Variants in SYN2 observed in about 807,000 individuals in gnomAD.
The protein encoded by SYN2 is synapsin-2.
SYN2 carries 19 observed loss-of-function variants against 50.9 expected under a neutral mutation model. The observed-to-expected ratio is 0.37, with a 90% CI of 0.26 to 0.55. The LOEUF (loss-of-function observed/expected upper bound fraction) is 0.55, where lower values mean the gene tolerates loss of function less well. SYN2 is among the 20% of genes least tolerant of loss of function. The pLI is 0.81. For synonymous variants in SYN2, 255 were observed against 224.9 expected (o/e 1.13, Z -1.20); for missense variants, 587 against 576.4 (o/e 1.02, Z -0.19).
intron 1 of SYN2, chr3:12,071,620 A>C (rs1334938098): frequency 3.1e-6 from 1 of 325,578 alleles, no homozygotes; most frequent in Non-Finnish European, 6.1e-6. Flanking sequence ...TTCTTAGTAC[A>C]AGTGGCTTGG....
intron 1 of SYN2, among the ~76,000 whole-genome samples, chr3:12,123,626 A>G (rs1206722198): frequency 6.6e-6 from 1 of 152,120 alleles, no homozygotes; most frequent in African/African-American, 2.4e-5. Flanking sequence ...AAACACACAC[A>G]CACACGAGGA....
At chr3:12,177,490 G>C (rs1698106315) in intron 10 of SYN2, among the ~76,000 whole-genome samples, 1 of 152,196 alleles carries the variant, frequency 6.6e-6, no homozygotes, top group South Asian at 2.1e-4. Context: ...TTCACTCTGA[G>C]AAGTGGAGTC....
Position 12,191,024 on chromosome 3 carries a change from C to A in SYN2, c.*399C>A. 1 of 997,878 alleles carries A rather than the reference C, an allele frequency of 1.0e-6. No homozygotes were observed. The highest frequency in any genetic ancestry group is 1.2e-6 in the Non-Finnish European group (1 of 838,544). The allele number at this position is 997,878 out of a possible 1,614,324, so 61.8% of individuals were successfully genotyped here. On this transcript the variant is annotated 3_prime_UTR_variant, in exon 13 of 13. Transcript: ENST00000621198. ...TGCAGTGCTAAGCATGCCCCGCCCC[C>A]ATTCAGTGATACCTGTTTGGGAAGT...
chr3:12,020,379 T>TC (rs1268623557), intron 1 of SYN2, among the ~76,000 whole-genome samples: 2 of 137,218 alleles, frequency 1.5e-5, no homozygotes, highest in Non-Finnish European at 3.1e-5. Flanking sequence ...TCTTCTTCTG[T>TC]CCCCCCAGTT....
At chr3:12,021,902 T>G (rs963748695) in intron 1 of SYN2, among the ~76,000 whole-genome samples, 3 of 151,954 alleles carry the variant, frequency 2.0e-5, no homozygotes, top group African/African-American at 7.3e-5. Flanking sequence ...CCGTCTCTAT[T>G]AAAAATATGA....
chr3:12,038,518 C>A (rs971060685), intron 1 of SYN2, among the ~76,000 whole-genome samples: 1 of 152,074 alleles, frequency 6.6e-6, no homozygotes. Flanking sequence ...GAGATATTGG[C>A]ATTTATTAAA....
chr3:12,012,888 C>T, intron 1 of SYN2, among the ~76,000 whole-genome samples: 1 of 152,314 alleles, frequency 6.6e-6, no homozygotes, highest in South Asian at 2.1e-4. Flanking sequence ...AACTCATCCT[C>T]ACCTTCCTAA....
chr3:12,112,020 C>CT (rs1428763792), intron 1 of SYN2, among the ~76,000 whole-genome samples: 1 of 152,176 alleles, frequency 6.6e-6, no homozygotes, highest in Non-Finnish European at 1.5e-5. Flanking sequence ...GGCAGAAACT[C>CT]TGAGGTGAGA....
intron 7 of SYN2, among the ~76,000 whole-genome samples, 180 bp downstream of exon 7, chr3:12,162,334 A>T (rs1251904731): frequency 6.6e-6 from 1 of 152,114 alleles, no homozygotes; most frequent in East Asian, 1.9e-4. Context: ...ATTAATATTC[A>T]TTTTCACTTG....
intron 12 of SYN2, among the ~76,000 whole-genome samples, chr3:12,189,727 G>A (rs575981035): frequency 2.6e-5 from 4 of 152,226 alleles, no homozygotes; most frequent in South Asian, 2.1e-4. Context: ...CGCTTGAACC[G>A]GGAGGCGGAG....
chr3:12,129,662 A>G (rs571486005), intron 1 of SYN2, among the ~76,000 whole-genome samples: 1 of 152,298 alleles, frequency 6.6e-6, no homozygotes, highest in Non-Finnish European at 1.5e-5. Flanking sequence ...TCTGATAAAC[A>G]TATGGTATTG....
intron 1 of SYN2, among the ~76,000 whole-genome samples, chr3:12,027,647 C>T (rs997017494): frequency 6.6e-6 from 1 of 152,162 alleles, no homozygotes; most frequent in African/African-American, 2.4e-5. Context: ...CTTATGTCTT[C>T]AAAGAGATAT....
chr3:12,072,870 A>T (rs1477721159), intron 1 of SYN2, among the ~76,000 whole-genome samples: 1 of 152,134 alleles, frequency 6.6e-6, no homozygotes, highest in Admixed American at 6.5e-5. Flanking sequence ...CATAGTGTCT[A>T]TTAAAATATG....
At chr3:12,130,613 T>A (rs1696776037) in intron 1 of SYN2, among the ~76,000 whole-genome samples, 1 of 152,148 alleles carries the variant, frequency 6.6e-6, no homozygotes, top group African/African-American at 2.4e-5. Flanking sequence ...ACAAACACAT[T>A]TAGAAATAAT....
chr3:12,185,686 C>G, intron 11 of SYN2: 3 of 985,864 alleles, frequency 3.0e-6, no homozygotes, highest in Non-Finnish European at 3.6e-6. Context: ...TTTTGTGACT[C>G]TTGTACAGCT....
intron 1 of SYN2, among the ~76,000 whole-genome samples, chr3:12,013,200 C>G (rs1022345297): frequency 6.6e-6 from 1 of 152,100 alleles, no homozygotes; most frequent in Non-Finnish European, 1.5e-5. Context: ...AAGTCTTGGC[C>G]CCAAGTGATC....
At chr3:12,158,643 C>T in intron 5 of SYN2, 1 of 1,598,916 alleles carries the variant, frequency 6.3e-7, no homozygotes, top group Non-Finnish European at 8.5e-7. Context: ...GTACTGCTGG[C>T]CAGATACTAA....
intron 1 of SYN2, among the ~76,000 whole-genome samples, chr3:12,055,221 A>G (rs1479653094): frequency 1.3e-5 from 2 of 152,160 alleles, no homozygotes; most frequent in East Asian, 1.9e-4. Flanking sequence ...TAATATAAAA[A>G]GATGAAAATC....
chr3:12,161,223 C>A (rs1044422628), intron 5 of SYN2, among the ~76,000 whole-genome samples: 1 of 152,146 alleles, frequency 6.6e-6, no homozygotes, highest in African/African-American at 2.4e-5. Context: ...TTCAGAGATA[C>A]TTTCTTTTTT....
Sources: allele counts gnomAD v4.1 joint callset (sites outside exome capture counted in the v4.1 genomes callset), GRCh38; gene constraint gnomAD v4.1.1; transcripts MANE v1.5; gene names NCBI Gene and HGNC (gene_info 2026-07-23, HGNC 2026-07-21).